NXPE1: variants seen among roughly 807,000 people sequenced by gnomAD.
NXPE1 encodes NXPE family member 1.
A neutral mutation model predicts 33.3 loss-of-function variants in NXPE1; 31 were observed. The ratio of observed to expected loss-of-function variants is 0.93; its 90% CI spans 0.70 to 1.26. The LOEUF (loss-of-function observed/expected upper bound fraction) is 1.26. Ranked by LOEUF, NXPE1 falls within the 50% of genes most tolerant of loss-of-function variation. The probability of loss-of-function intolerance (pLI) is 0.00; values close to 1 mark genes in which losing one functional copy is unlikely to be tolerated. For synonymous variants in NXPE1, 229 were observed against 231.4 expected (o/e 0.99, Z 0.09); for missense variants, 661 against 655.6 (o/e 1.01, Z -0.09).
chr11:114,540,620 C>A (rs1948057235), intron 5 of NXPE1, among the ~76,000 whole-genome samples: 1 of 151,808 alleles, frequency 6.6e-6, no homozygotes, highest in South Asian at 2.1e-4. Flanking sequence ...GACCAAGTAA[C>A]TTGTGACTCT....
chr11:114,537,261 G>A (rs1327392699), intron 5 of NXPE1, among the ~76,000 whole-genome samples: 1 of 152,136 alleles, frequency 6.6e-6, no homozygotes, highest in Non-Finnish European at 1.5e-5. Flanking sequence ...CAATAAATTA[G>A]GTATTGATGG....
At chr11:114,525,663 A>G (rs1290437151) in intron 7 of NXPE1, among the ~76,000 whole-genome samples, 1 of 152,168 alleles carries the variant, frequency 6.6e-6, no homozygotes, top group African/African-American at 2.4e-5. Context: ...CATATGCCTG[A>G]GTTGCAACAC....
downstream of NXPE1, among the ~76,000 whole-genome samples, chr11:114,519,218 C>G (rs768123332): frequency 1.5e-4 from 21 of 137,768 alleles, no homozygotes; most frequent in Non-Finnish European, 3.1e-4. Context: ...ACAGAAAATG[C>G]TTTCCCCCCG....
At chr11:114,535,964 A>G (rs1947805901) in intron 5 of NXPE1, among the ~76,000 whole-genome samples, 2 of 152,306 alleles carry the variant, frequency 1.3e-5, no homozygotes, top group South Asian at 2.1e-4. Flanking sequence ...TCCACCCCAA[A>G]TCAACAGAAT....
chr11:114,521,081 T>C (rs975144689), downstream of NXPE1, among the ~76,000 whole-genome samples: 6 of 152,350 alleles, frequency 3.9e-5, no homozygotes, highest in African/African-American at 1.4e-4. Flanking sequence ...TTCCTAATTC[T>C]GTCGTTCTTT....
intron 5 of NXPE1, among the ~76,000 whole-genome samples, chr11:114,539,632 A>T (rs1948006274): frequency 6.6e-6 from 1 of 152,198 alleles, no homozygotes; most frequent in African/African-American, 2.4e-5. Context: ...TAAATTCTTA[A>T]GATGGGAGAT....
chr11:114,527,945 C>T (rs760316653), intron 6 of NXPE1, 44 bp from the exon 7 acceptor site: 3 of 1,435,486 alleles, frequency 2.1e-6, no homozygotes, highest in Non-Finnish European at 2.9e-6. Flanking sequence ...GCTCTCTGCC[C>T]ATGTAACACA....
At chr11:114,542,000 TA>T (rs1948114471) in intron 5 of NXPE1, among the ~76,000 whole-genome samples, 1 of 152,206 alleles carries the variant, frequency 6.6e-6, no homozygotes, top group South Asian at 2.1e-4. Flanking sequence ...AGAGGCATAA[TA>T]AAAATTCCCA....
exon 8 of NXPE1, chr11:114,523,050 G>C: frequency 6.2e-7 from 1 of 1,613,648 alleles, no homozygotes; most frequent in African/African-American, 1.3e-5. Flanking sequence ...GGGACAGGAG[G>C]CTTCATTCCA....
chr11:114,556,868 A>G (rs1489634932), intron 1 of NXPE1, among the ~76,000 whole-genome samples: 1 of 144,820 alleles, frequency 6.9e-6, no homozygotes, highest in Non-Finnish European at 1.5e-5. Context: ...CACCTTCTCT[A>G]TTTCTATTCC....
At chr11:114,525,298 T>G (rs1186758452) in intron 7 of NXPE1, among the ~76,000 whole-genome samples, 1 of 152,040 alleles carries the variant, frequency 6.6e-6, no homozygotes, top group East Asian at 1.9e-4. Context: ...TATTTTTTAT[T>G]AGATAGGGAG....
At chr11:114,527,602 C>T (rs1457385613) in intron 7 of NXPE1, among the ~76,000 whole-genome samples, 1 of 152,186 alleles carries the variant, frequency 6.6e-6, no homozygotes, top group East Asian at 1.9e-4. Context: ...GATGAACTCT[C>T]AGGTTTAAAC....
At position 114,522,642 on chromosome 11, in the gene NXPE1, C is replaced by T. The variant is rs751238377; in HGVS notation, c.1109-139G>A. 3.2e-5 allele frequency: 24 copies of T among 759,402 alleles called. No individual in the cohort carries two copies. In the Middle Eastern group the frequency reaches 1.1e-3, roughly 36 times the overall value. The allele number at this position is 759,402 out of a possible 1,614,324, so 47.0% of individuals were successfully genotyped here. ...CTTTCTACTCTCTAGGGTACAGTACCCCCAGTTCATACATGTAAAATGTCA... is the reference window on the plus strand; with the variant it reads ...CTTTCTACTCTCTAGGGTACAGTACTCCCAGTTCATACATGTAAAATGTCA... On this transcript the variant is annotated intron_variant, in intron 8 of 8. Transcript: ENST00000534921.
chr11:114,529,116 T>G, intron 6 of NXPE1: 1 of 292,558 alleles, frequency 3.4e-6, no homozygotes, highest in Non-Finnish European at 6.3e-6. Context: ...GACTCTAAAC[T>G]TGACTTTGAA....
At chr11:114,538,292 A>C (rs527382994) in intron 5 of NXPE1, among the ~76,000 whole-genome samples, 10 of 152,378 alleles carry the variant, frequency 6.6e-5, no homozygotes, top group Non-Finnish European at 1.3e-4. Context: ...GATGGATTAA[A>C]GACTTACATG....
Position 114,527,902 on chromosome 11 carries a change from C to CT in NXPE1, c.834-2dup. On this transcript the variant is annotated splice_acceptor_variant, in intron 6 of 8. Transcript: ENST00000534921. LOFTEE classifies it high-confidence loss of function. Reference sequence around the variant, plus strand: ...CATCATTTCAACTCCCACTTTGGACCTTCAAAAAAAAAATAGAACAATAAA... The same window carrying CT: ...CATCATTTCAACTCCCACTTTGGACCTTTCAAAAAAAAAATAGAACAATAAA... 1 of 1,541,150 alleles carries CT rather than the reference C, an allele frequency of 6.5e-7. No homozygotes were observed. Among genetic ancestry groups the CT allele is most frequent in the Non-Finnish European group, 8.7e-7 (1 of 1,155,282 alleles).
intron 7 of NXPE1, among the ~76,000 whole-genome samples, chr11:114,525,369 C>T (rs925552578): frequency 1.3e-5 from 2 of 151,860 alleles, no homozygotes; most frequent in Non-Finnish European, 2.9e-5. Flanking sequence ...TATGTTGAAG[C>T]AGAAGATATA....
At chr11:114,556,390 G>C (rs188116834) in intron 1 of NXPE1, among the ~76,000 whole-genome samples, 434 of 152,224 alleles carry the variant, frequency 2.9e-3, no homozygotes, top group African/African-American at 9.2e-3. Flanking sequence ...TGGATACACA[G>C]AGCTCAGGGA....
At chr11:114,519,962 G>GCT (rs1354123956), downstream of NXPE1, among the ~76,000 whole-genome samples, 1 of 118,854 alleles carries the variant, frequency 8.4e-6, no homozygotes. Flanking sequence ...TGCCATCTCG[G>GCT]CGAGCTTGCC....
Sources: allele counts gnomAD v4.1 joint callset (sites outside exome capture counted in the v4.1 genomes callset), GRCh38; gene constraint gnomAD v4.1.1; transcripts MANE v1.5; gene names NCBI Gene and HGNC (gene_info 2026-07-23, HGNC 2026-07-21).